The following GRM5 variants were observed in gnomAD, a reference collection of about 807,000 sequenced individuals.
GRM5 encodes the protein metabotropic glutamate receptor 5.
GRM5 carries 19 observed loss-of-function variants against 83.1 expected under a neutral mutation model. The observed-to-expected ratio is 0.23, with a 90% CI of 0.16 to 0.34. GRM5 has a LOEUF of 0.34. Ranked by LOEUF, GRM5 falls within the 10% of genes least tolerant of loss-of-function variation. GRM5 has a pLI of 1.00. For missense variants in GRM5, 1,160 were observed against 1,588.3 expected, an observed-to-expected ratio of 0.73 and a Z score of 4.58; for synonymous variants, 675 against 633.6, an observed-to-expected ratio of 1.07 and a Z score of -0.98.
chr11:88,987,590 C>T (rs1232733475), intron 2 of GRM5, among the ~76,000 whole-genome samples: 3 of 152,058 alleles, frequency 2.0e-5, no homozygotes, highest in Non-Finnish European at 2.9e-5. Context: ...GCAGTAACCT[C>T]TGCAGACTTA....
chr11:89,036,674 GCCCCAA>G (rs1941393497), intron 2 of GRM5, among the ~76,000 whole-genome samples: 1 of 29,604 alleles, frequency 3.4e-5, no homozygotes, highest in Non-Finnish European at 6.5e-5. Flanking sequence ...ACTCAAATTT[GCCCCAA>G]AGTCCCTCAA....
At chr11:88,523,386 A>C (rs918562543) in intron 9 of GRM5, among the ~76,000 whole-genome samples, 1 of 152,178 alleles carries the variant, frequency 6.6e-6, no homozygotes, top group Non-Finnish European at 1.5e-5. Flanking sequence ...TCATTTGGTG[A>C]AGTCACTTTA....
At chr11:88,704,298 A>T (rs1941103463) in intron 3 of GRM5, among the ~76,000 whole-genome samples, 1 of 152,078 alleles carries the variant, frequency 6.6e-6, no homozygotes, top group African/African-American at 2.4e-5. Flanking sequence ...TAAGAAAACT[A>T]ATGCTAAAAG....
At chr11:88,831,139 T>C (rs1397809159) in intron 3 of GRM5, among the ~76,000 whole-genome samples, 1 of 152,104 alleles carries the variant, frequency 6.6e-6, no homozygotes, top group Non-Finnish European at 1.5e-5. Context: ...TGAGGTACCA[T>C]TTTGAGAGCC....
At chr11:88,918,458 A>C (rs1945633196) in intron 2 of GRM5, among the ~76,000 whole-genome samples, 1 of 151,918 alleles carries the variant, frequency 6.6e-6, no homozygotes, top group Non-Finnish European at 1.5e-5. Context: ...ATTTAAAAAA[A>C]AACCTGAGGG....
At chr11:89,045,512 T>C (rs1291160313) in intron 2 of GRM5, among the ~76,000 whole-genome samples, 1 of 152,190 alleles carries the variant, frequency 6.6e-6, no homozygotes, top group Non-Finnish European at 1.5e-5. Flanking sequence ...ATTATAATCA[T>C]TACCTAGTAG....
intron 3 of GRM5, among the ~76,000 whole-genome samples, chr11:88,818,579 CTT>C (rs975036638): frequency 2.6e-5 from 4 of 152,156 alleles, no homozygotes; most frequent in South Asian, 4.2e-4. Flanking sequence ...TTTTTAAACA[CTT>C]ATTACATAGA....
At chr11:88,559,902 A>C (rs1019182827) in intron 8 of GRM5, among the ~76,000 whole-genome samples, 2 of 152,152 alleles carry the variant, frequency 1.3e-5, no homozygotes, top group Admixed American at 1.3e-4. Context: ...GCTCATTTGG[A>C]TCATAAGGAG....
chr11:88,710,602 G>A (rs1475146626), intron 3 of GRM5, among the ~76,000 whole-genome samples: 1 of 152,028 alleles, frequency 6.6e-6, no homozygotes, highest in African/African-American at 2.4e-5. Flanking sequence ...GACTCTAAAG[G>A]ATAAAAATTG....
chr11:88,751,786 G>T (rs1565214314), intron 3 of GRM5, among the ~76,000 whole-genome samples: 1 of 152,114 alleles, frequency 6.6e-6, no homozygotes, highest in East Asian at 1.9e-4. Context: ...AGGATGCAAG[G>T]TTGTTTCAAC....
At chr11:88,904,776 A>C (rs1189789656) in intron 2 of GRM5, among the ~76,000 whole-genome samples, 1 of 152,174 alleles carries the variant, frequency 6.6e-6, no homozygotes, top group Non-Finnish European at 1.5e-5. Flanking sequence ...GCTTTCAAAT[A>C]AGGTCATATT....
chr11:88,619,260 T>C (rs1237974024), intron 4 of GRM5, among the ~76,000 whole-genome samples: 1 of 152,216 alleles, frequency 6.6e-6, no homozygotes, highest in Non-Finnish European at 1.5e-5. Flanking sequence ...ATGCAAGAGA[T>C]TTCAGAGAGC....
intron 2 of GRM5, among the ~76,000 whole-genome samples, chr11:89,045,889 TG>T (rs1941631735): frequency 6.6e-6 from 1 of 152,190 alleles, no homozygotes; most frequent in African/African-American, 2.4e-5. Flanking sequence ...TTTCACCAAT[TG>T]TCAGTATTCT....
chr11:88,555,896 A>G (rs1942615481), intron 8 of GRM5, among the ~76,000 whole-genome samples: 2 of 152,278 alleles, frequency 1.3e-5, no homozygotes, highest in Non-Finnish European at 2.9e-5. Context: ...TTAAGTAAAG[A>G]TGGATCCACA....
At chr11:88,923,944 TA>T (rs1345612381) in intron 2 of GRM5, among the ~76,000 whole-genome samples, 4 of 150,820 alleles carry the variant, frequency 2.7e-5, no homozygotes, top group Non-Finnish European at 5.9e-5. Context: ...AAAATTAAAA[TA>T]AAAAAATTAA....
At chr11:88,650,562 AACTT>A (rs1939604165) in intron 4 of GRM5, among the ~76,000 whole-genome samples, 1 of 151,992 alleles carries the variant, frequency 6.6e-6, no homozygotes, top group South Asian at 2.1e-4. Context: ...GGTGTGGAAA[AACTT>A]AAACTCTCAT....
intron 8 of GRM5, among the ~76,000 whole-genome samples, chr11:88,551,921 A>G (rs1942519079): frequency 6.6e-6 from 1 of 152,152 alleles, no homozygotes; most frequent in African/African-American, 2.4e-5. Context: ...TGGTAGGAAG[A>G]TATTTAGGCA....
At chr11:88,901,888 T>C (rs545255441) in intron 2 of GRM5, among the ~76,000 whole-genome samples, 1 of 152,326 alleles carries the variant, frequency 6.6e-6, no homozygotes, top group South Asian at 2.1e-4. Context: ...TCAACTTTGT[T>C]TTCCCATCTC....
chr11:88,563,672 G>A (rs545068102), intron 8 of GRM5, among the ~76,000 whole-genome samples: 2 of 152,118 alleles, frequency 1.3e-5, no homozygotes, highest in Non-Finnish European at 2.9e-5. Flanking sequence ...CCCAAGAGAT[G>A]GGCTCAATAG....
Sources: gnomAD v4.1 joint callset for allele counts (sites outside exome capture counted in the v4.1 genomes callset) on GRCh38, gnomAD v4.1.1 for gene constraint, MANE v1.5 for transcripts, NCBI Gene and HGNC (gene_info 2026-07-23, HGNC 2026-07-21) for gene names.